TCF7L1: variants seen among roughly 807,000 people sequenced by gnomAD.
The protein encoded by TCF7L1 is transcription factor 7-like 1.
In TCF7L1, 18 loss-of-function variants were observed where a neutral mutation model predicts 63.7. The observed-to-expected ratio is 0.28, with a 90% CI of 0.20 to 0.42. The LOEUF (loss-of-function observed/expected upper bound fraction) is 0.42, where lower values mean the gene tolerates loss of function less well. Among genes scored for constraint, TCF7L1 ranks in the 10% least tolerant of loss-of-function variants. The probability of loss-of-function intolerance (pLI) is 1.00; values close to 1 mark genes in which losing one functional copy is unlikely to be tolerated. For missense variants in TCF7L1, 654 were observed against 779.3 expected (o/e 0.84, Z 1.91); for synonymous variants, 355 against 340.9 (o/e 1.04, Z -0.46).
intron 3 of TCF7L1, chr2:85,186,644 A>C (rs1417987376): frequency 1.3e-5 from 2 of 152,174 alleles, no homozygotes; most frequent in Non-Finnish European, 2.9e-5. Flanking sequence ...ATTCGTTGGG[A>C]GTTGGTGATG....
intron 3 of TCF7L1, among the ~76,000 whole-genome samples, chr2:85,248,461 A>C (rs954602116): frequency 3.3e-5 from 5 of 152,172 alleles, no homozygotes; most frequent in African/African-American, 1.2e-4. Flanking sequence ...AATACAACCC[A>C]GTCTCCAAAC....
chr2:85,290,579 C>A (rs1681684354), intron 4 of TCF7L1, among the ~76,000 whole-genome samples: 1 of 152,116 alleles, frequency 6.6e-6, no homozygotes. Context: ...TCACCACAAT[C>A]AAGATATAGA....
intron 3 of TCF7L1, among the ~76,000 whole-genome samples, chr2:85,141,024 G>A (rs2104186666): frequency 6.6e-6 from 1 of 152,196 alleles, no homozygotes; most frequent in Middle Eastern, 3.4e-3. Context: ...TGTGGCTTGT[G>A]CCTGTAATCC....
At chr2:85,242,982 C>T (rs6753357) in intron 3 of TCF7L1, among the ~76,000 whole-genome samples, 21,435 of 152,056 alleles carry the variant, frequency 0.14, 2,632 homozygotes, top group African/African-American at 0.33. Context: ...TTAAAGATCT[C>T]GACGCACCGA....
intron 3 of TCF7L1, among the ~76,000 whole-genome samples, chr2:85,145,704 C>T (rs979750562): frequency 6.6e-6 from 1 of 152,196 alleles, no homozygotes. Flanking sequence ...TGTTGACCTG[C>T]CCAAGGGCAA....
intron 4 of TCF7L1, among the ~76,000 whole-genome samples, chr2:85,294,045 T>TTTTTC (rs1553407871): frequency 3.5e-5 from 4 of 113,452 alleles, no homozygotes; most frequent in East Asian, 6.7e-4. Flanking sequence ...TTTTTTTTTT[T>TTTTTC]TTTTTTTTTG....
chr2:85,308,714 G>A (rs1009989312), intron 11 of TCF7L1, among the ~76,000 whole-genome samples: 13 of 152,008 alleles, frequency 8.6e-5, no homozygotes, highest in Non-Finnish European at 1.0e-4. Flanking sequence ...ATAAACCAAA[G>A]ATTTCAAAGC....
chr2:85,297,268 CTT>C (rs1333292042), intron 4 of TCF7L1, among the ~76,000 whole-genome samples: 1 of 152,158 alleles, frequency 6.6e-6, no homozygotes, highest in African/African-American at 2.4e-5. Context: ...GTCCCAGAGT[CTT>C]TTCTCTCTCC....
chr2:85,246,604 G>T (rs1014423330), intron 3 of TCF7L1, among the ~76,000 whole-genome samples: 1 of 152,232 alleles, frequency 6.6e-6, no homozygotes, highest in African/African-American at 2.4e-5. Flanking sequence ...CTCCACGCAG[G>T]TCTCCTGACT....
chr2:85,294,335 C>T (rs1386087602), intron 4 of TCF7L1, among the ~76,000 whole-genome samples: 2 of 152,040 alleles, frequency 1.3e-5, no homozygotes, highest in Non-Finnish European at 2.9e-5. Context: ...CACGCCTGGC[C>T]GAGCATTGGG....
chr2:85,207,601 G>T (rs187553305), intron 3 of TCF7L1, among the ~76,000 whole-genome samples: 16 of 151,814 alleles, frequency 1.1e-4, no homozygotes, highest in Admixed American at 1.1e-3. Context: ...TAGATGGAAC[G>T]TGAAAGGGTA....
intron 3 of TCF7L1, among the ~76,000 whole-genome samples, chr2:85,255,265 C>T (rs1680682795): frequency 6.6e-6 from 1 of 152,262 alleles, no homozygotes; most frequent in East Asian, 1.9e-4. Context: ...TGAGCATCAC[C>T]TGGAGGAGAT....
At chr2:85,261,123 GGTGT>G (rs3223762) in intron 3 of TCF7L1, among the ~76,000 whole-genome samples, 10,242 of 106,408 alleles carry the variant, frequency 0.096, 499 homozygotes, top group African/African-American at 0.17. Flanking sequence ...AATTATTGCT[GGTGT>G]GTGTGTGTGT....
At chr2:85,199,592 G>C (rs1679228026) in intron 3 of TCF7L1, among the ~76,000 whole-genome samples, 1 of 152,100 alleles carries the variant, frequency 6.6e-6, no homozygotes, top group Non-Finnish European at 1.5e-5. Flanking sequence ...CTAGGAAGGA[G>C]GTCCAAGCGT....
chr2:85,187,093 T>C, intron 3 of TCF7L1: 1 of 152,222 alleles, frequency 6.6e-6, no homozygotes. Context: ...TGTTGTCAAG[T>C]AGGTGGAACT....
intron 3 of TCF7L1, among the ~76,000 whole-genome samples, chr2:85,196,505 G>A (rs376182146): frequency 5.3e-5 from 8 of 152,004 alleles, no homozygotes; most frequent in South Asian, 4.2e-4. Context: ...TGTCCAGGCC[G>A]GGCCTGGTGG....
chr2:85,243,936 G>A (rs1403403338), intron 3 of TCF7L1, among the ~76,000 whole-genome samples: 4 of 152,194 alleles, frequency 2.6e-5, no homozygotes, highest in Non-Finnish European at 4.4e-5. Flanking sequence ...GGGAAAGAAC[G>A]AACAGGCAAA....
intron 3 of TCF7L1, among the ~76,000 whole-genome samples, chr2:85,194,083 G>T (rs1377073824): frequency 6.6e-6 from 1 of 152,102 alleles, no homozygotes; most frequent in African/African-American, 2.4e-5. Flanking sequence ...TGACCCCCTG[G>T]GAGTGGATGG....
intron 3 of TCF7L1, among the ~76,000 whole-genome samples, chr2:85,173,297 G>C (rs926224770): frequency 6.6e-6 from 1 of 151,976 alleles, no homozygotes; most frequent in Non-Finnish European, 1.5e-5. Context: ...AGCTGCAGGG[G>C]TGTGGAGGAG....
Sources: allele counts gnomAD v4.1 joint callset (sites outside exome capture counted in the v4.1 genomes callset), GRCh38; gene constraint gnomAD v4.1.1; transcripts MANE v1.5; gene names NCBI Gene and HGNC (gene_info 2026-07-23, HGNC 2026-07-21).